The following TIAM2 variants were observed in gnomAD, a reference collection of about 807,000 sequenced individuals.
TIAM2 encodes the protein rho guanine nucleotide exchange factor TIAM2.
In TIAM2, 80 loss-of-function variants were observed where a neutral mutation model predicts 152.9. The observed-to-expected ratio is 0.52, with a 90% confidence interval of 0.44 to 0.63. The LOEUF (loss-of-function observed/expected upper bound fraction) is 0.63. Ranked by LOEUF, TIAM2 falls within the 30% of genes least tolerant of loss-of-function variation. The pLI is 0.00. For synonymous variants in TIAM2, 804 were observed against 838.0 expected (o/e 0.96, Z 0.70); for missense variants, 1,965 against 2,120.1 (o/e 0.93, Z 1.44).
At chr6:155,248,225 C>T (rs770138557) in intron 20 of TIAM2, 46 bp downstream of exon 20, 49 of 1,571,546 alleles carry the variant, frequency 3.1e-5, no homozygotes, top group South Asian at 2.3e-4. Flanking sequence ...CACAGGGCGG[C>T]GAGGGGCTGC....
Position 155,124,134 on chromosome 6 carries a change from T to C in TIAM2, c.-117-3356T>C, listed in dbSNP as rs1011666813. ...TCCCGATTCAAGCAATTCTCCCACC[T>C]CAGCCTCCCAAGTAGCTGGGATTAC... is the stretch of plus-strand genomic sequence containing the variant. On this transcript the variant is annotated intron_variant, in intron 2 of 26. Coordinates refer to ENST00000682666, the MANE Select transcript of TIAM2 (RefSeq NM_012454.4). Among the ~76,000 whole-genome samples the C allele has an allele frequency of 3.9e-5, 6 of 152,004 alleles. No individual in the cohort carries two copies. In the East Asian group the frequency reaches 1.2e-3, roughly 30 times the overall value.
intron 2 of TIAM2, among the ~76,000 whole-genome samples, chr6:155,110,753 G>A (rs572209334): frequency 6.6e-6 from 1 of 152,184 alleles, no homozygotes; most frequent in Non-Finnish European, 1.5e-5. Context: ...GTGATGTAAG[G>A]CACTTTTGGA....
At position 155,254,141 on chromosome 6, in the gene TIAM2, TC is replaced by T. The variant is rs2115364871; in HGVS notation, c.4313+83del. The T allele has an allele frequency of 4.2e-6, 6 of 1,443,094 alleles. No homozygotes were observed. In the African/African-American group the frequency reaches 4.3e-5, roughly 10 times the overall value. The allele number at this position is 1,443,094 out of a possible 1,614,324, so 89.4% of individuals were successfully genotyped here. A position where few individuals can be genotyped will look rare whatever the true frequency, so the allele number is the denominator to read the frequency against. On this transcript the variant is annotated intron_variant, in intron 25 of 26. Transcript: ENST00000682666. ...TTAAGGGAATTTATATTTAGTGCCC[TC>T]CTGAATTTTGATGATATCAGGGTCA...
intron 1 of TIAM2, among the ~76,000 whole-genome samples, chr6:154,998,831 C>T (rs987864386): frequency 2.6e-5 from 4 of 152,112 alleles, no homozygotes; most frequent in African/African-American, 9.7e-5. Context: ...TTCCTGGCTT[C>T]GACTTCATAT....
chr6:155,053,523 G>A (rs962054087), intron 1 of TIAM2, among the ~76,000 whole-genome samples: 1 of 149,780 alleles, frequency 6.7e-6, no homozygotes, highest in African/African-American at 2.5e-5. Flanking sequence ...CCAGGCTGGA[G>A]TGCAGTGTCA....
intron 1 of TIAM2, among the ~76,000 whole-genome samples, chr6:155,007,814 C>T (rs906479831): frequency 3.9e-5 from 6 of 152,114 alleles, no homozygotes; most frequent in African/African-American, 7.2e-5. Context: ...TTAGTCTAAA[C>T]GTGTGAGGAA....
chr6:155,244,619 T>G, intron 17 of TIAM2, 39 bp from the exon 18 acceptor site: 1 of 1,606,228 alleles, frequency 6.2e-7, no homozygotes, highest in Non-Finnish European at 8.5e-7. Flanking sequence ...CTGAACTTCA[T>G]GGCTAATCCC....
At chr6:155,015,782 C>A (rs1023739295) in intron 1 of TIAM2, among the ~76,000 whole-genome samples, 4 of 151,562 alleles carry the variant, frequency 2.6e-5, no homozygotes, top group Non-Finnish European at 4.4e-5. Flanking sequence ...ACTAAAAATA[C>A]AAGAATTAGC....
intron 1 of TIAM2, among the ~76,000 whole-genome samples, chr6:155,074,295 G>A (rs1583177952): frequency 6.6e-6 from 1 of 151,328 alleles, no homozygotes; most frequent in East Asian, 1.9e-4. Context: ...ATCTGTGTAA[G>A]GTTTAAGAAT....
chr6:155,255,085 C>T (rs1044803204), intron 26 of TIAM2: 3 of 154,576 alleles, frequency 1.9e-5, no homozygotes, highest in Non-Finnish European at 4.3e-5. Context: ...CAATACATTT[C>T]ATGAGATACT....
chr6:155,084,199 G>T (rs1426411967), intron 1 of TIAM2, among the ~76,000 whole-genome samples: 1 of 152,102 alleles, frequency 6.6e-6, no homozygotes, highest in African/African-American at 2.4e-5. Context: ...ACAGGGATAG[G>T]GGCCACTCTG....
At chr6:155,066,309 C>T (rs1229966499) in intron 1 of TIAM2, among the ~76,000 whole-genome samples, 1 of 152,192 alleles carries the variant, frequency 6.6e-6, no homozygotes, top group African/African-American at 2.4e-5. Context: ...TAATTTTGCT[C>T]ATCTCTGTCA....
chr6:155,075,225 T>C (rs13208511), intron 1 of TIAM2, among the ~76,000 whole-genome samples: 4 of 152,146 alleles, frequency 2.6e-5, no homozygotes, highest in Non-Finnish European at 5.9e-5. Flanking sequence ...TTATTAATAG[T>C]ACAGAATGTT....
In TIAM2 at chr6:155,195,865, G is replaced by A. The variant is rs544927381; in HGVS notation, c.3064+12365G>A. 5.6e-4 allele frequency among the ~76,000 whole-genome samples: 85 copies of A among 152,368 alleles called. 1 individual carries two copies. Among genetic ancestry groups the A allele is most frequent in the Middle Eastern group, 3.4e-3 (1 of 294 alleles). On this transcript the variant is annotated intron_variant, in intron 14 of 26. Coordinates refer to ENST00000682666, the MANE Select transcript of TIAM2 (RefSeq NM_012454.4). ...CCCGATGTGGCCTGTTTTTCGGCAGGTGTGCCTGGAAGGGCAAGGGAAGAG... is the reference window on the plus strand; with the variant it reads ...CCCGATGTGGCCTGTTTTTCGGCAGATGTGCCTGGAAGGGCAAGGGAAGAG...
chr6:155,118,411 TTTTTTC>T (rs145140786), intron 2 of TIAM2, among the ~76,000 whole-genome samples: 35,851 of 133,010 alleles, frequency 0.27, 5,969 homozygotes, highest in Non-Finnish European at 0.37. Context: ...TTTATTTTTC[TTTTTTC>T]TTTTTCTTTT....
Position 155,130,135 on chromosome 6 carries a change from A to G in TIAM2, c.912A>G (p.Lys304=). ...SSLSSLRELY[K]DANLGSLSPS... ...TCTCCTCCCTCCGGGAACTGTACAA[A>G]GATGCCAACCTGGGGAGCCTCTCCC... Residue 304 remains lysine, a synonymous_variant, in exon 4 of 27, where the codon AAA becomes AAG. Transcript: ENST00000682666. The G allele has an allele frequency of 1.9e-6, 3 of 1,614,124 alleles. No individual in the cohort carries two copies. Among genetic ancestry groups the G allele is most frequent in the Non-Finnish European group, 2.5e-6 (3 of 1,180,020 alleles).
intron 1 of TIAM2, among the ~76,000 whole-genome samples, chr6:155,047,993 C>A (rs1472762416): frequency 3.3e-5 from 5 of 151,992 alleles, no homozygotes; most frequent in Non-Finnish European, 7.4e-5. Flanking sequence ...CTTGCTGTCG[C>A]CCAGGCTGGA....
At position 155,170,555 on chromosome 6, in the gene TIAM2, C is replaced by T. The variant is rs1447824147; in HGVS notation, c.2361+5146C>T. On this transcript the variant is annotated intron_variant, in intron 9 of 26. Transcript: ENST00000682666. The stretch of plus-strand genomic sequence containing the variant: ...GGCAGAGGTTGCAGTGAGCCAAGAT[C>T]GCACCACTGCACTCTGACCTGGGTG... Among the ~76,000 whole-genome samples, 6 of 152,238 alleles carry T rather than the reference C, an allele frequency of 3.9e-5. No homozygotes were observed. In the East Asian group the frequency reaches 7.7e-4, roughly 20 times the overall value.
intron 26 of TIAM2, chr6:155,254,782 T>C (rs1487103845): frequency 8.9e-6 from 5 of 560,282 alleles, no homozygotes; most frequent in Non-Finnish European, 1.6e-5. Context: ...CTTGTCTTCC[T>C]ACCCGCTGAC....
Sources: gnomAD v4.1 joint callset for allele counts (sites outside exome capture counted in the v4.1 genomes callset) on GRCh38, gnomAD v4.1.1 for gene constraint, MANE v1.5 for transcripts, NCBI Gene and HGNC (gene_info 2026-07-23, HGNC 2026-07-21) for gene names.